The following MTUS2 variants were observed in gnomAD, a reference collection of about 807,000 sequenced individuals.
MTUS2 encodes microtubule-associated tumor suppressor candidate 2.
MTUS2 carries 40 observed loss-of-function variants against 114.1 expected under a neutral mutation model. That is an observed-to-expected ratio of 0.35 (90% CI 0.27 to 0.46). The LOEUF (loss-of-function observed/expected upper bound fraction) is 0.46, where lower values mean the gene tolerates loss of function less well. MTUS2 is among the 20% of genes least tolerant of loss of function. The pLI, the probability that MTUS2 is intolerant of heterozygous loss-of-function variation, is 1.00. For synonymous variants in MTUS2, 688 were observed against 672.0 expected, an observed-to-expected ratio of 1.02 and a Z score of -0.37; for missense variants, 1,679 against 1,705.4, an observed-to-expected ratio of 0.98 and a Z score of 0.27.
At chr13:29,187,642 A>G (rs1367272555) in intron 5 of MTUS2, among the ~76,000 whole-genome samples, 3 of 152,152 alleles carry the variant, frequency 2.0e-5, no homozygotes, top group Non-Finnish European at 4.4e-5. Context: ...GCATTCCAGA[A>G]TGACTCTTTA....
intron 2 of MTUS2, among the ~76,000 whole-genome samples, chr13:28,867,446 C>T (rs927171631): frequency 6.2e-5 from 9 of 144,862 alleles, no homozygotes; most frequent in East Asian, 2.0e-4. Flanking sequence ...TAGGGGCTTC[C>T]GGAGAAGAAT....
intron 5 of MTUS2, among the ~76,000 whole-genome samples, chr13:29,199,928 G>A (rs888260106): frequency 2.0e-5 from 3 of 152,084 alleles, no homozygotes; most frequent in Non-Finnish European, 4.4e-5. Context: ...TGGGAGGGGT[G>A]TTTGTGCCCA....
chr13:29,344,497 G>A (rs1459588559), intron 7 of MTUS2, among the ~76,000 whole-genome samples: 1 of 152,034 alleles, frequency 6.6e-6, no homozygotes, highest in Non-Finnish European at 1.5e-5. Flanking sequence ...CCATTTGCAT[G>A]GAATGTCTTT....
intron 5 of MTUS2, among the ~76,000 whole-genome samples, chr13:29,131,058 AC>A (rs1473297955): frequency 6.6e-6 from 1 of 152,208 alleles, no homozygotes; most frequent in Non-Finnish European, 1.5e-5. Flanking sequence ...GGAGGTCCTC[AC>A]ATAGGTGTTG....
chr13:28,894,003 T>C (rs1879081645), intron 2 of MTUS2, among the ~76,000 whole-genome samples: 1 of 151,984 alleles, frequency 6.6e-6, no homozygotes, highest in Admixed American at 6.5e-5. Flanking sequence ...TAGAGTGAGT[T>C]TGTTGTTGAG....
intron 2 of MTUS2, among the ~76,000 whole-genome samples, chr13:28,999,299 T>C (rs1885272680): frequency 1.3e-5 from 2 of 152,178 alleles, no homozygotes; most frequent in Admixed American, 6.5e-5. Context: ...AGTCCGCCCC[T>C]ACTGGGGGGT....
chr13:29,062,143 C>A (rs1243143234), intron 4 of MTUS2, among the ~76,000 whole-genome samples: 1 of 152,124 alleles, frequency 6.6e-6, no homozygotes, highest in Non-Finnish European at 1.5e-5. Context: ...CATCATCATG[C>A]CTGGCTAATT....
chr13:29,270,484 A>G (rs1168584910), intron 5 of MTUS2, among the ~76,000 whole-genome samples: 1 of 152,194 alleles, frequency 6.6e-6, no homozygotes, highest in African/African-American at 2.4e-5. Flanking sequence ...CTGAGGGCTA[A>G]GCAGTTCAGC....
intron 4 of MTUS2, 71 bp from the exon 5 acceptor site, chr13:29,100,702 A>T: frequency 4.0e-6 from 6 of 1,490,500 alleles, no homozygotes; most frequent in Non-Finnish European, 5.5e-6. Flanking sequence ...GTTCGAATTC[A>T]TAATCTGTAG....
intron 8 of MTUS2, among the ~76,000 whole-genome samples, chr13:29,398,513 T>C (rs896605849): frequency 7.6e-5 from 11 of 144,638 alleles, no homozygotes; most frequent in African/African-American, 2.8e-4. Flanking sequence ...GAGCGAAAAA[T>C]TAAGAGTTTC....
chr13:28,952,039 G>A (rs1373926567), intron 2 of MTUS2, among the ~76,000 whole-genome samples: 3 of 152,038 alleles, frequency 2.0e-5, no homozygotes, highest in African/African-American at 7.3e-5. Context: ...GCAAATGCCT[G>A]GATGACCTTT....
chr13:29,248,392 T>TA (rs993337604), intron 5 of MTUS2, among the ~76,000 whole-genome samples: 5 of 151,928 alleles, frequency 3.3e-5, no homozygotes, highest in East Asian at 1.9e-4. Flanking sequence ...TATTGAAATA[T>TA]AAAAAAAAGA....
At chr13:29,269,332 AT>A (rs1267767471) in intron 5 of MTUS2, among the ~76,000 whole-genome samples, 1 of 152,178 alleles carries the variant, frequency 6.6e-6, no homozygotes, top group Non-Finnish European at 1.5e-5. Context: ...GATTTGAGGG[AT>A]TGAGAATGTA....
intron 5 of MTUS2, among the ~76,000 whole-genome samples, chr13:29,264,573 A>G (rs752339345): frequency 2.0e-4 from 31 of 152,108 alleles, no homozygotes; most frequent in Non-Finnish European, 4.3e-4. Flanking sequence ...AGGCTTTTCC[A>G]TGCATCCTCT....
chr13:29,389,864 T>C (rs1261658024), intron 8 of MTUS2, among the ~76,000 whole-genome samples: 1 of 72,664 alleles, frequency 1.4e-5, no homozygotes, highest in Non-Finnish European at 3.0e-5. Context: ...TATACATACA[T>C]ATGTGTATAT....
intron 2 of MTUS2, among the ~76,000 whole-genome samples, chr13:28,872,892 A>C (rs1405472147): frequency 6.6e-6 from 1 of 152,180 alleles, no homozygotes; most frequent in Non-Finnish European, 1.5e-5. Flanking sequence ...ATGGCTGAGA[A>C]TTTTCCAAAT....
At chr13:28,851,885 C>T (rs1370743365) in intron 2 of MTUS2, among the ~76,000 whole-genome samples, 2 of 152,136 alleles carry the variant, frequency 1.3e-5, no homozygotes, top group Non-Finnish European at 2.9e-5. Context: ...GTGCTGTTTC[C>T]ACTCTTCCCT....
At chr13:29,003,574 G>A (rs1203843022) in intron 2 of MTUS2, among the ~76,000 whole-genome samples, 2 of 152,130 alleles carry the variant, frequency 1.3e-5, no homozygotes, top group African/African-American at 4.8e-5. Context: ...TCTCTAATTC[G>A]ACATATCTAG....
chr13:29,163,211 C>T (rs1887746), intron 5 of MTUS2, among the ~76,000 whole-genome samples: 138,406 of 152,144 alleles, frequency 0.91, 62,985 homozygotes, highest in Admixed American at 0.93. Flanking sequence ...CACAACAAAT[C>T]ATCAAATTTT....
Sources: allele counts gnomAD v4.1 joint callset (sites outside exome capture counted in the v4.1 genomes callset), GRCh38; gene constraint gnomAD v4.1.1; transcripts MANE v1.5; gene names NCBI Gene and HGNC (gene_info 2026-07-23, HGNC 2026-07-21).